The following PCDHA12 variants were observed in gnomAD, a reference collection of about 807,000 sequenced individuals.
PCDHA12 encodes protocadherin alpha-12.
PCDHA12 carries 44 observed loss-of-function variants against 60.0 expected under a neutral mutation model. The ratio of observed to expected loss-of-function variants is 0.73; its 90% CI spans 0.58 to 0.94. The LOEUF (loss-of-function observed/expected upper bound fraction) is 0.94. Among genes scored for constraint, PCDHA12 ranks in the 40% least tolerant of loss-of-function variants. The pLI is 0.00. For synonymous variants in PCDHA12, 569 were observed against 553.0 expected (o/e 1.03, Z -0.40); for missense variants, 1,276 against 1,239.7 (o/e 1.03, Z -0.44).
At chr5:140,933,901 CAT>C (rs1354614736) in intron 1 of PCDHA12, among the ~76,000 whole-genome samples, 33 of 151,882 alleles carry the variant, frequency 2.2e-4, no homozygotes, top group African/African-American at 7.7e-4. Flanking sequence ...AATATTTTGG[CAT>C]AAAGTTGTTT....
At chr5:140,926,728 T>G in intron 1 of PCDHA12, 4 of 1,061,710 alleles carry the variant, frequency 3.8e-6, no homozygotes, top group Non-Finnish European at 5.0e-6. Flanking sequence ...AATGCCGGCG[T>G]TCGGGAGGCG....
chr5:140,930,404 T>C (rs2086793049), intron 1 of PCDHA12: 1 of 152,170 alleles, frequency 6.6e-6, no homozygotes, highest in African/African-American at 2.4e-5. Flanking sequence ...TTTTTTTTTT[T>C]TGAGACAGGG....
intron 1 of PCDHA12, chr5:140,883,347 G>A (rs782384832): frequency 3.7e-6 from 6 of 1,614,046 alleles, no homozygotes; most frequent in African/African-American, 1.3e-5. Flanking sequence ...CTCCCCATCA[G>A]AGAAGACACT....
chr5:140,879,012 T>C (rs2057811303), intron 1 of PCDHA12, among the ~76,000 whole-genome samples: 1 of 152,236 alleles, frequency 6.6e-6, no homozygotes, highest in African/African-American at 2.4e-5. Flanking sequence ...AGAAATCAGA[T>C]AATGTTTTAT....
intron 1 of PCDHA12, among the ~76,000 whole-genome samples, chr5:140,915,722 A>G (rs559518429): frequency 1.3e-5 from 2 of 151,088 alleles, no homozygotes; most frequent in South Asian, 4.2e-4. Flanking sequence ...CCCACTTTGG[A>G]TTGTGCTGGG....
At chr5:140,968,044 A>C (rs959631573) in intron 1 of PCDHA12, 2 of 1,614,142 alleles carry the variant, frequency 1.2e-6, no homozygotes, top group Non-Finnish European at 1.7e-6. Context: ...TGAGCGGCCC[A>C]CTGGACCGAG....
chr5:140,929,074 G>T, intron 1 of PCDHA12: 2 of 1,614,182 alleles, frequency 1.2e-6, no homozygotes, highest in South Asian at 2.2e-5. Flanking sequence ...TCTGAGGTAT[G>T]GAAGTAAGAT....
At chr5:140,905,197 T>A (rs2071673542) in intron 1 of PCDHA12, among the ~76,000 whole-genome samples, 1 of 152,220 alleles carries the variant, frequency 6.6e-6, no homozygotes. Flanking sequence ...TTGATCCATC[T>A]TGAGTTGATT....
rs199902550 is a variant in PCDHA12 at position 140,965,368 on chromosome 5, A to C, written c.2368-13581A>C. On this transcript the variant is annotated intron_variant, in intron 1 of 3. Transcript: ENST00000398631. ...TTGCCTCTATAGCAGTACAAGAGGAAACTTGGGGACACAGAAGAACAGAAG... is the reference window on the plus strand; with the variant it reads ...TTGCCTCTATAGCAGTACAAGAGGACACTTGGGGACACAGAAGAACAGAAG... 8.5e-5 allele frequency among the ~76,000 whole-genome samples: 13 copies of C among 152,290 alleles called. No homozygotes were observed. The East Asian group carries it at 2.5e-3, about 29-fold the overall frequency.
At chr5:140,892,896 C>T (rs1489868294) in intron 1 of PCDHA12, among the ~76,000 whole-genome samples, 1 of 152,112 alleles carries the variant, frequency 6.6e-6, no homozygotes, top group Non-Finnish European at 1.5e-5. Flanking sequence ...CCAACCTTTC[C>T]CCATCCTCCT....
chr5:140,941,373 G>A (rs576282436), intron 1 of PCDHA12, among the ~76,000 whole-genome samples: 2 of 134,082 alleles, frequency 1.5e-5, no homozygotes, highest in South Asian at 5.1e-4. Flanking sequence ...CTGGAGTGTA[G>A]TGACAGGATT....
At chr5:140,977,589 G>A (rs567353301) in intron 1 of PCDHA12, among the ~76,000 whole-genome samples, 15 of 152,274 alleles carry the variant, frequency 9.9e-5, no homozygotes, top group Admixed American at 2.6e-4. Flanking sequence ...AGAGCAGTTA[G>A]CATGTGAGGA....
At chr5:140,921,676 T>A (rs2080324583) in intron 1 of PCDHA12, among the ~76,000 whole-genome samples, 1 of 152,178 alleles carries the variant, frequency 6.6e-6, no homozygotes, top group South Asian at 2.1e-4. Flanking sequence ...ACAGTTATCA[T>A]CAAACACTGG....
chr5:140,890,294 G>A (rs1554184246), intron 1 of PCDHA12, among the ~76,000 whole-genome samples: 1 of 152,132 alleles, frequency 6.6e-6, no homozygotes, highest in Non-Finnish European at 1.5e-5. Flanking sequence ...GTCAGAACCA[G>A]GAGAGGTAAT....
At chr5:140,993,137 A>G (rs1336525759) in intron 3 of PCDHA12, among the ~76,000 whole-genome samples, 12 of 152,212 alleles carry the variant, frequency 7.9e-5, no homozygotes, top group African/African-American at 2.7e-4. Flanking sequence ...CTGTTGCAAC[A>G]AGTATAAATG....
chr5:140,896,485 C>T (rs1259028670), intron 1 of PCDHA12, among the ~76,000 whole-genome samples: 1 of 152,032 alleles, frequency 6.6e-6, no homozygotes, highest in African/African-American at 2.4e-5. Flanking sequence ...GCCTCAGCCT[C>T]CTGAGTAGCT....
At chr5:140,919,358 T>C (rs2153553560) in intron 1 of PCDHA12, among the ~76,000 whole-genome samples, 1 of 152,356 alleles carries the variant, frequency 6.6e-6, no homozygotes, top group East Asian at 1.9e-4. Flanking sequence ...AATCTAAAAG[T>C]GTCTCCTGCA....
At chr5:140,994,222 C>T (rs2097605581) in intron 3 of PCDHA12, among the ~76,000 whole-genome samples, 1 of 152,168 alleles carries the variant, frequency 6.6e-6, no homozygotes, top group Admixed American at 6.5e-5. Context: ...CAGGGTCTGT[C>T]TATGTTATAA....
chr5:140,961,263 T>A (rs782231630), intron 1 of PCDHA12, among the ~76,000 whole-genome samples: 1 of 152,218 alleles, frequency 6.6e-6, no homozygotes, highest in Non-Finnish European at 1.5e-5. Flanking sequence ...TCCAGGAAGC[T>A]TCTTTTTACC....
Sources: gnomAD v4.1 joint callset for allele counts (sites outside exome capture counted in the v4.1 genomes callset) on GRCh38, gnomAD v4.1.1 for gene constraint, MANE v1.5 for transcripts, NCBI Gene and HGNC (gene_info 2026-07-23, HGNC 2026-07-21) for gene names.